The following PGM2L1 variants were observed in gnomAD, a reference collection of about 807,000 sequenced individuals.
The protein encoded by PGM2L1 is glucose 1,6-bisphosphate synthase.
In PGM2L1, 35 loss-of-function variants were observed where a neutral mutation model predicts 73.4. The ratio of observed to expected loss-of-function variants is 0.48; its 90% CI spans 0.36 to 0.63. The LOEUF (loss-of-function observed/expected upper bound fraction) is 0.63. Ranked by LOEUF, PGM2L1 falls within the 30% of genes least tolerant of loss-of-function variation. The probability of loss-of-function intolerance (pLI) is 0.00; values close to 1 mark genes in which losing one functional copy is unlikely to be tolerated. For missense variants in PGM2L1, 570 were observed against 742.0 expected, an observed-to-expected ratio of 0.77 and a Z score of 2.69; for synonymous variants, 225 against 253.8, an observed-to-expected ratio of 0.89 and a Z score of 1.08.
chr11:74,351,353 T>C (rs1862349891), intron 6 of PGM2L1, 30 bp downstream of exon 6: 1 of 1,553,018 alleles, frequency 6.4e-7, no homozygotes, highest in Admixed American at 1.9e-5. Flanking sequence ...TATTCTGAAG[T>C]AGTATTATCT....
At position 74,347,321 on chromosome 11, in the gene PGM2L1, T is replaced by A; in HGVS notation, c.766A>T (p.Thr256Ser). Residue 256 changes from threonine (T) to serine (S), a missense_variant, in exon 7 of 14, where the codon ACC (threonine) becomes TCC (serine). Coordinates refer to ENST00000298198, the MANE Select transcript of PGM2L1 (RefSeq NM_173582.6). ...ICFYRELNSK[T>S]TLKFVHTSFH... ...GATGTGTGCACAAATTTCAAGGTGG[T>A]CTTCGAGTTTAACTCCCTGTAAAGG... The A allele has an allele frequency of 6.3e-7, 1 of 1,598,080 alleles. No individual in the cohort carries two copies. The highest frequency in any genetic ancestry group is 2.2e-5 in the East Asian group (1 of 44,510).
Position 74,336,558 on chromosome 11 carries a change from T to C in PGM2L1, c.*94A>G. The C allele has an allele frequency of 1.4e-6, 1 of 711,328 alleles. No homozygotes were observed. 44.1% of individuals were successfully genotyped at this position (711,328 alleles called of 1,614,324 possible). A position where few individuals can be genotyped will look rare whatever the true frequency, so the allele number is the denominator to read the frequency against. ...GAAAAAGATACTCGGCCAGATGAGA[T>C]AGAGAGAGAATGCTAACACAAGGTT... On this transcript the variant is annotated 3_prime_UTR_variant, in exon 14 of 14. Coordinates refer to ENST00000298198, the MANE Select transcript of PGM2L1 (RefSeq NM_173582.6).
At position 74,355,635 on chromosome 11, in the gene PGM2L1, G is replaced by A. The variant is rs146899698; in HGVS notation, c.556-4059C>T. The A allele has an allele frequency of 4.4e-4, 208 of 472,456 alleles. 3 individuals are homozygous for A. The East Asian group carries it at 0.012, about 27-fold the overall frequency. The allele number at this position is 472,456 out of a possible 1,614,324, so 29.3% of individuals were successfully genotyped here. A position where few individuals can be genotyped will look rare whatever the true frequency, so the allele number is the denominator to read the frequency against. On this transcript the variant is annotated intron_variant, in intron 5 of 13. Transcript: ENST00000298198. ...GGCAGAAGCTCTGGCCCCTATGGTG[G>A]TGGAGGCCAATACTTTACTAATTAT...
intron 5 of PGM2L1, among the ~76,000 whole-genome samples, chr11:74,360,769 G>A (rs577526966): frequency 3.9e-4 from 59 of 152,182 alleles, no homozygotes; most frequent in Non-Finnish European, 6.6e-4. Flanking sequence ...AGCCTGGCTC[G>A]GAGGGTCCCA....
chr11:74,351,805 A>G (rs1359041743), intron 5 of PGM2L1, among the ~76,000 whole-genome samples: 2 of 151,956 alleles, frequency 1.3e-5, no homozygotes, highest in African/African-American at 4.8e-5. Context: ...TACTAAAAAT[A>G]CAAAAAATTA....
chr11:74,346,125 A>G (rs1416927281), intron 8 of PGM2L1, among the ~76,000 whole-genome samples: 3 of 151,772 alleles, frequency 2.0e-5, no homozygotes, highest in African/African-American at 7.3e-5. Context: ...TTAGCCAGGC[A>G]TGGTGGCACA....
rs1346881853 is a variant in PGM2L1, at chr11:74,374,461, G to GC, written c.232dup (p.Ala78GlyfsTer7). 2 of 1,613,972 alleles carry GC rather than the reference G, an allele frequency of 1.2e-6. No individual in the cohort carries two copies. The highest frequency in any genetic ancestry group is 1.7e-5 in the Admixed American group (1 of 60,014). On this transcript the variant is annotated frameshift_variant, in exon 2 of 14. Coordinates refer to ENST00000298198, the MANE Select transcript of PGM2L1 (RefSeq NM_173582.6). LOFTEE classifies it high-confidence loss of function. The stretch of plus-strand genomic sequence containing the variant: ...AAGGTCATTAATATAGCAAAACCCT[G>GC]CCCCCATGGCAGAACGAAGTCCTGC...
At chr11:74,383,859 A>G (rs1291426081) in intron 1 of PGM2L1, among the ~76,000 whole-genome samples, 4 of 112,316 alleles carry the variant, frequency 3.6e-5, no homozygotes, top group South Asian at 2.5e-4. Context: ...TTCTTTATCC[A>G]GTCTATCACC....
In PGM2L1 at chr11:74,345,677, A is replaced by G. The variant is rs201538815; in HGVS notation, c.1038-28T>C. ...GTAGAGAGAAGGAAAATACAATGTC[A>G]AGACCTTTCTTCTCATTAAAACTTC... On this transcript the variant is annotated intron_variant, in intron 8 of 13. Transcript: ENST00000298198. 403 of 1,596,934 alleles carry G rather than the reference A, an allele frequency of 2.5e-4. 2 individuals are homozygous for G. In the African/African-American group the frequency reaches 4.7e-3, roughly 19 times the overall value.
At chr11:74,389,026 G>C (rs1281875272) in intron 1 of PGM2L1, among the ~76,000 whole-genome samples, 1 of 152,220 alleles carries the variant, frequency 6.6e-6, no homozygotes, top group Non-Finnish European at 1.5e-5. Context: ...TTCTCCATGA[G>C]ACAAGCCAAT....
At chr11:74,392,604 G>C (rs1052538431) in intron 1 of PGM2L1, among the ~76,000 whole-genome samples, 1 of 151,662 alleles carries the variant, frequency 6.6e-6, no homozygotes, top group Admixed American at 6.6e-5. Flanking sequence ...GCAGTGGCGC[G>C]ATGTCGGCTC....
intron 5 of PGM2L1, among the ~76,000 whole-genome samples, chr11:74,363,909 A>C (rs1044364013): frequency 4.6e-5 from 7 of 152,170 alleles, no homozygotes; most frequent in South Asian, 4.1e-4. Context: ...GACACAACAA[A>C]AAAAAAGAGA....
intron 6 of PGM2L1, among the ~76,000 whole-genome samples, chr11:74,350,380 T>A (rs974361104): frequency 1.3e-5 from 2 of 152,100 alleles, no homozygotes; most frequent in African/African-American, 2.4e-5. Context: ...TAAGGAAAAA[T>A]AAACTCTTAA....
At chr11:74,363,335 G>A (rs879237362) in intron 5 of PGM2L1, among the ~76,000 whole-genome samples, 1 of 151,958 alleles carries the variant, frequency 6.6e-6, no homozygotes, top group Non-Finnish European at 1.5e-5. Flanking sequence ...AAGAACTAGA[G>A]AAGCAAGAGC....
intron 1 of PGM2L1, among the ~76,000 whole-genome samples, chr11:74,395,453 C>G (rs692829): frequency 6.6e-6 from 1 of 150,830 alleles, no homozygotes; most frequent in African/African-American, 2.4e-5. Flanking sequence ...GTGGAACGAT[C>G]TCAGCTCACT....
At position 74,355,012 on chromosome 11, in the gene PGM2L1, C is replaced by T. The variant is rs115125670; in HGVS notation, c.556-3436G>A. On this transcript the variant is annotated intron_variant, in intron 5 of 13. Coordinates refer to ENST00000298198, the MANE Select transcript of PGM2L1 (RefSeq NM_173582.6). Reference sequence around the variant, plus strand: ...TCAAAGCAAGAAGAGATGGCTAGTGCTTCATCCAGCCAAAGAGGTCGAAGT... The same window carrying T: ...TCAAAGCAAGAAGAGATGGCTAGTGTTTCATCCAGCCAAAGAGGTCGAAGT... The T allele has an allele frequency of 2.2e-3, 2,762 of 1,278,730 alleles. 42 individuals carry two copies. The African/African-American group carries it at 0.028, about 13-fold the overall frequency. The allele number at this position is 1,278,730 out of a possible 1,614,324, so 79.2% of individuals were successfully genotyped here. A position where few individuals can be genotyped will look rare whatever the true frequency, so the allele number is the denominator to read the frequency against.
intron 5 of PGM2L1, chr11:74,355,752 T>A: frequency 4.2e-6 from 2 of 481,000 alleles, no homozygotes; most frequent in South Asian, 1.5e-5. Flanking sequence ...AAGCTTAGCA[T>A]GAGAGGAGAG....
At chr11:74,344,751 C>A (rs181106113) in intron 9 of PGM2L1, among the ~76,000 whole-genome samples, 5 of 152,250 alleles carry the variant, frequency 3.3e-5, no homozygotes, top group East Asian at 3.9e-4. Context: ...TGTGAATCAA[C>A]TTTCAGTATC....
chr11:74,379,214 T>C lies in PGM2L1; in HGVS notation c.112-4632A>G, dbSNP rs118093357. Among the ~76,000 whole-genome samples the C allele has an allele frequency of 9.1e-3, 1,391 of 152,242 alleles. 6 individuals carry two copies. Among genetic ancestry groups the C allele is most frequent in the Non-Finnish European group, 0.013 (899 of 67,990 alleles). On this transcript the variant is annotated intron_variant, in intron 1 of 13. Transcript: ENST00000298198. ...GCAGAAGGGAAGGATAGCCAGCCTATCACATGGTGAAGGAGGGAACAAAAG... is the reference window on the plus strand; with the variant it reads ...GCAGAAGGGAAGGATAGCCAGCCTACCACATGGTGAAGGAGGGAACAAAAG...
Sources: gnomAD v4.1 joint callset for allele counts (sites outside exome capture counted in the v4.1 genomes callset) on GRCh38, gnomAD v4.1.1 for gene constraint, MANE v1.5 for transcripts, NCBI Gene and HGNC (gene_info 2026-07-23, HGNC 2026-07-21) for gene names.